The following RELN variants were observed in gnomAD, a reference collection of about 807,000 sequenced individuals.
The protein encoded by RELN is reelin.
A neutral mutation model predicts 427.6 loss-of-function variants in RELN; 108 were observed. The ratio of observed to expected loss-of-function variants is 0.25; its 90% CI spans 0.22 to 0.30. The LOEUF (loss-of-function observed/expected upper bound fraction) is 0.30, where lower values mean the gene tolerates loss of function less well. RELN is among the 10% of genes least tolerant of loss of function. The pLI is 1.00. For synonymous variants in RELN, 1,524 were observed against 1,513.4 expected (o/e 1.01, Z -0.16); for missense variants, 3,715 against 4,302.8 (o/e 0.86, Z 3.82).
chr7:103,665,358 GTGTGTATATA>G lies in RELN; in HGVS notation c.1290-3841_1290-3832del, dbSNP rs1188287913. On this transcript the variant is annotated intron_variant, in intron 11 of 64. Coordinates refer to ENST00000428762, the MANE Select transcript of RELN (RefSeq NM_005045.4). ...ATATGGTGTGTGTGTGTGTGTGTGT[GTGTGTATATA>G]TATATATATATATAAAATCTGTATA... Among the ~76,000 whole-genome samples, 1,113 of 131,314 alleles carry G rather than the reference GTGTGTATATA, an allele frequency of 8.5e-3. 7 individuals carry two copies. The highest frequency in any genetic ancestry group is 0.012 in the Non-Finnish European group (739 of 61,186). The allele number at this position is 131,314 out of a possible 152,430, so 86.1% of individuals were successfully genotyped here. A position where few individuals can be genotyped will look rare whatever the true frequency, so the allele number is the denominator to read the frequency against.
At chr7:103,903,629 C>T (rs775293245) in intron 2 of RELN, among the ~76,000 whole-genome samples, 1 of 151,838 alleles carries the variant, frequency 6.6e-6, no homozygotes, top group Non-Finnish European at 1.5e-5. Flanking sequence ...AGAATCTGCT[C>T]GAAAATGTAC....
chr7:103,721,340 G>A (rs1790070774), intron 8 of RELN, among the ~76,000 whole-genome samples: 2 of 151,490 alleles, frequency 1.3e-5, no homozygotes, highest in African/African-American at 2.4e-5. Context: ...AATATAAGTT[G>A]GCCTGATGGC....
At chr7:103,490,528 G>GA in intron 59 of RELN, 140 bp downstream of exon 59, 1 of 898,212 alleles carries the variant, frequency 1.1e-6, no homozygotes, top group Non-Finnish European at 1.8e-6. Flanking sequence ...AGAGGAGGGA[G>GA]AAAAGGAGGG....
intron 4 of RELN, among the ~76,000 whole-genome samples, chr7:103,765,755 C>T (rs1020850113): frequency 6.6e-6 from 1 of 152,094 alleles, no homozygotes; most frequent in Non-Finnish European, 1.5e-5. Context: ...AGAATTCTTC[C>T]ATAGGCACCC....
intron 8 of RELN, among the ~76,000 whole-genome samples, chr7:103,712,671 T>C (rs778391141): frequency 2.6e-5 from 4 of 152,222 alleles, no homozygotes; most frequent in Non-Finnish European, 4.4e-5. Context: ...CAGGTCTTGC[T>C]GCCAAATGAA....
At chr7:103,555,099 T>C (rs913474714) in intron 38 of RELN, among the ~76,000 whole-genome samples, 1 of 152,336 alleles carries the variant, frequency 6.6e-6, no homozygotes, top group Middle Eastern at 3.4e-3. Flanking sequence ...TCACCCTTTA[T>C]ACTGCTATAG....
rs1184843384 is a variant in RELN, at chr7:103,563,679, C to T, written c.5210+1599G>A. On this transcript the variant is annotated intron_variant, in intron 34 of 64. Transcript: ENST00000428762. This position sits in a 1 kb window ranked among gnomAD's most constrained non-coding sequence, Gnocchi z 4.1. The stretch of plus-strand genomic sequence containing the variant: ...TCTAGGCCTTCACATTCACTCACCA[C>T]TCACTCACCCACTCACCCAGAGCAA... 6.6e-6 allele frequency among the ~76,000 whole-genome samples: 1 copy of T among 150,874 alleles called. No individual in the cohort carries two copies. Among genetic ancestry groups the T allele is most frequent in the African/African-American group, 2.4e-5 (1 of 41,366 alleles).
intron 46 of RELN, among the ~76,000 whole-genome samples, chr7:103,527,013 T>C (rs180673788): frequency 1.8e-4 from 28 of 152,302 alleles, no homozygotes; most frequent in Non-Finnish European, 2.5e-4. Context: ...ATGTAGTAAG[T>C]GTTACATCAG....
At chr7:103,579,219 G>A (rs998203370) in intron 28 of RELN, among the ~76,000 whole-genome samples, 2 of 152,210 alleles carry the variant, frequency 1.3e-5, no homozygotes, top group African/African-American at 4.8e-5. Context: ...ATCTGATAGA[G>A]GTCTTGACTT....
Position 103,787,147 on chromosome 7 carries a change from C to A in RELN, c.474-10520G>T, listed in dbSNP as rs551113319. 7.2e-5 allele frequency among the ~76,000 whole-genome samples: 11 copies of A among 152,048 alleles called. No individual in the cohort carries two copies. The South Asian group carries it at 2.3e-3, about 32-fold the overall frequency. On this transcript the variant is annotated intron_variant, in intron 3 of 64. Coordinates refer to ENST00000428762, the MANE Select transcript of RELN (RefSeq NM_005045.4). The stretch of plus-strand genomic sequence containing the variant: ...CACAAATAAATAAACTCTTTGAAAC[C>A]AATGAGAACAAAGACACAACATACT...
chr7:103,641,024 A>G (rs564295845), intron 16 of RELN, among the ~76,000 whole-genome samples: 2 of 152,312 alleles, frequency 1.3e-5, no homozygotes, highest in African/African-American at 2.4e-5. Flanking sequence ...GGGAAAATCT[A>G]TAACACTGTG....
rs115899903 is a variant in RELN at position 103,550,912 on chromosome 7, G to A, written c.6302+155C>T. Among the ~76,000 whole-genome samples the A allele has an allele frequency of 6.0e-3, 913 of 152,226 alleles. 12 individuals are homozygous for A. Among genetic ancestry groups the A allele is most frequent in the African/African-American group, 0.021 (884 of 41,540 alleles). ...AGAAATTAGTAGTTATGTCAGCTCC[G>A]TGTCCTACATTTTAAATATCCACTG... On this transcript the variant is annotated intron_variant, in intron 41 of 64. Transcript: ENST00000428762.
chr7:103,592,371 TC>T (rs1334842075), intron 27 of RELN, among the ~76,000 whole-genome samples: 3 of 152,198 alleles, frequency 2.0e-5, no homozygotes, highest in Admixed American at 2.0e-4. Context: ...CATGATGTCA[TC>T]CTTTTTTATG....
intron 11 of RELN, among the ~76,000 whole-genome samples, chr7:103,681,481 CTTA>C (rs1343223705): frequency 6.6e-6 from 1 of 151,994 alleles, no homozygotes; most frequent in Non-Finnish European, 1.5e-5. Flanking sequence ...AGTTTCTAAT[CTTA>C]TTAATGTTTT....
chr7:103,790,781 G>A (rs1792143036), intron 3 of RELN, among the ~76,000 whole-genome samples: 1 of 152,102 alleles, frequency 6.6e-6, no homozygotes, highest in African/African-American at 2.4e-5. Flanking sequence ...GGCCAATATG[G>A]TGAAACCCTG....
intron 4 of RELN, among the ~76,000 whole-genome samples, chr7:103,762,988 A>G (rs1791340198): frequency 6.6e-6 from 1 of 152,224 alleles, no homozygotes; most frequent in Non-Finnish European, 1.5e-5. Flanking sequence ...CAAGCCATAA[A>G]GTTACAGAAA....
chr7:103,938,752 T>C (rs1309909654), intron 1 of RELN, among the ~76,000 whole-genome samples: 1 of 152,188 alleles, frequency 6.6e-6, no homozygotes, highest in Non-Finnish European at 1.5e-5. Flanking sequence ...AAACAATGTG[T>C]CAATTAGATA....
At chr7:103,874,335 T>G (rs988812123) in intron 2 of RELN, among the ~76,000 whole-genome samples, 4 of 137,892 alleles carry the variant, frequency 2.9e-5, no homozygotes, top group African/African-American at 1.0e-4. Context: ...CTATTCAACA[T>G]AGTGTTGGAA....
chr7:103,622,500 C>A (rs573838488), intron 20 of RELN, among the ~76,000 whole-genome samples: 7 of 152,296 alleles, frequency 4.6e-5, no homozygotes, highest in Admixed American at 1.3e-4. Context: ...TTACATCACT[C>A]CCCTGCTCCA....
Sources: allele counts gnomAD v4.1 joint callset (sites outside exome capture counted in the v4.1 genomes callset), GRCh38; gene constraint gnomAD v4.1.1; non-coding constraint Gnocchi (gnomAD v3.1); transcripts MANE v1.5; gene names NCBI Gene and HGNC (gene_info 2026-07-23, HGNC 2026-07-21).